FRMD3: variants seen among roughly 807,000 people sequenced by gnomAD.
FRMD3 encodes the protein FERM domain-containing protein 3.
In FRMD3, 33 loss-of-function variants were observed where a neutral mutation model predicts 70.2. That is an observed-to-expected ratio of 0.47 (90% CI 0.36 to 0.63). FRMD3 has a LOEUF of 0.63. FRMD3 is among the 20% of genes least tolerant of loss of function. The pLI is 0.00. For synonymous variants in FRMD3, 279 were observed against 255.9 expected, an observed-to-expected ratio of 1.09 and a Z score of -0.86; for missense variants, 632 against 711.4, an observed-to-expected ratio of 0.89 and a Z score of 1.27.
At chr9:83,479,525 G>A (rs982015418) in intron 1 of FRMD3, among the ~76,000 whole-genome samples, 9 of 147,654 alleles carry the variant, frequency 6.1e-5, no homozygotes, top group African/African-American at 2.0e-4. Flanking sequence ...TAACTTGGGA[G>A]GCTGAGGCAG....
chr9:83,422,228 A>G (rs1826668433), intron 1 of FRMD3, among the ~76,000 whole-genome samples: 1 of 152,138 alleles, frequency 6.6e-6, no homozygotes, highest in African/African-American at 2.4e-5. Context: ...GTCTCAAAAA[A>G]ACAAAACAAA....
At chr9:83,541,353 GACTA>G (rs1489683685), upstream of FRMD3, among the ~76,000 whole-genome samples, 4 of 152,176 alleles carry the variant, frequency 2.6e-5, no homozygotes, top group African/African-American at 9.7e-5. Context: ...TATCTAAATT[GACTA>G]ACTGACTTCT....
chr9:83,437,386 A>AT (rs1339804185), intron 1 of FRMD3, among the ~76,000 whole-genome samples: 3 of 152,182 alleles, frequency 2.0e-5, no homozygotes, highest in Non-Finnish European at 1.5e-5. Context: ...CAGCTTTGCC[A>AT]TCCTGCTAGT....
At chr9:83,280,721 A>T (rs1030045421) in intron 13 of FRMD3, among the ~76,000 whole-genome samples, 1 of 152,246 alleles carries the variant, frequency 6.6e-6, no homozygotes, top group African/African-American at 2.4e-5. Context: ...ATACATGTAT[A>T]TCTGTCATTG....
chr9:83,404,409 A>G (rs781256205), intron 1 of FRMD3, among the ~76,000 whole-genome samples: 2 of 152,154 alleles, frequency 1.3e-5, no homozygotes, highest in African/African-American at 4.8e-5. Context: ...CAGCTTCCTG[A>G]AGGAAGGAAA....
the FRMD3 span, among the ~76,000 whole-genome samples, chr9:83,572,180 C>CAT: frequency 6.6e-6 from 1 of 150,996 alleles, no homozygotes; most frequent in Non-Finnish European, 1.5e-5. Context: ...TGTGCATGCG[C>CAT]ATGTGTGTGT....
At chr9:83,577,733 T>A in the FRMD3 span, among the ~76,000 whole-genome samples, 1 of 151,828 alleles carries the variant, frequency 6.6e-6, no homozygotes, top group Non-Finnish European at 1.5e-5. Flanking sequence ...CAAACGCCTA[T>A]ACCAAACAAG....
chr9:83,322,446 A>T (rs2131093050), intron 6 of FRMD3, among the ~76,000 whole-genome samples: 1 of 152,292 alleles, frequency 6.6e-6, no homozygotes, highest in African/African-American at 2.4e-5. Context: ...ACAAGGCAGT[A>T]GGGATCCTCC....
chr9:83,582,837 T>C, the FRMD3 span, among the ~76,000 whole-genome samples: 1 of 152,162 alleles, frequency 6.6e-6, no homozygotes, highest in Non-Finnish European at 1.5e-5. Context: ...TGGCCTAGAT[T>C]TGAGATCAGG....
At chr9:83,497,433 G>A (rs1828966898) in intron 1 of FRMD3, among the ~76,000 whole-genome samples, 1 of 152,144 alleles carries the variant, frequency 6.6e-6, no homozygotes, top group Non-Finnish European at 1.5e-5. Flanking sequence ...ATTTTGCAAA[G>A]CCTCCCAAAT....
At chr9:83,479,706 A>AAGAAAG (rs1554710649) in intron 1 of FRMD3, among the ~76,000 whole-genome samples, 1,562 of 80,594 alleles carry the variant, frequency 0.019, 22 homozygotes, top group South Asian at 0.038. Flanking sequence ...GAAAGAAAGA[A>AAGAAAG]AGAAAGAAAG....
At chr9:83,349,136 G>A (rs757272884) in intron 4 of FRMD3, among the ~76,000 whole-genome samples, 2 of 152,148 alleles carry the variant, frequency 1.3e-5, no homozygotes, top group African/African-American at 2.4e-5. Flanking sequence ...CAGAAGGTAC[G>A]CTGAAGCTGT....
chr9:83,334,287 T>C (rs1226498794), intron 6 of FRMD3, among the ~76,000 whole-genome samples: 1 of 152,220 alleles, frequency 6.6e-6, no homozygotes, highest in African/African-American at 2.4e-5. Flanking sequence ...CCCACATAGA[T>C]GGCCTGTTGC....
In FRMD3 at chr9:83,502,859, G is replaced by A. The variant is rs147053504; in HGVS notation, c.147+35226C>T. Among the ~76,000 whole-genome samples the A allele has an allele frequency of 2.0e-5, 3 of 152,282 alleles. No individual in the cohort carries two copies. The East Asian group carries it at 5.8e-4, about 29-fold the overall frequency. ...GAAACACTAAACACTGATTTCTGAT[G>A]GTTATGCTGGGTTCCAGTGCACCAT... On this transcript the variant is annotated intron_variant, in intron 1 of 13. Coordinates refer to ENST00000304195, the MANE Select transcript of FRMD3 (RefSeq NM_174938.6).
chr9:83,468,296 TTA>T (rs1264859138), intron 1 of FRMD3, among the ~76,000 whole-genome samples: 2 of 152,220 alleles, frequency 1.3e-5, no homozygotes, highest in Non-Finnish European at 2.9e-5. Flanking sequence ...GTCATTCTAT[TTA>T]TATGTCTTTT....
At chr9:83,430,254 A>C (rs1010504343) in intron 1 of FRMD3, among the ~76,000 whole-genome samples, 12 of 152,002 alleles carry the variant, frequency 7.9e-5, no homozygotes, top group African/African-American at 2.7e-4. Context: ...CCTAAAACAC[A>C]ACCCTTGTCC....
Position 83,246,883 on chromosome 9 carries a change from A to G in FRMD3, c.*1035T>C. 2.0e-6 allele frequency: 2 copies of G among 985,322 alleles called. No individual in the cohort carries two copies. The highest frequency in any genetic ancestry group is 9.4e-5 in the South Asian group (2 of 21,286). The allele number at this position is 985,322 out of a possible 1,614,324, so 61.0% of individuals were successfully genotyped here. ...CATCACCATCACTTTCATAAAATAG[A>G]CCATTCGCCTGTCACCATTTGCCTG... On this transcript the variant is annotated 3_prime_UTR_variant, in exon 14 of 14. Transcript: ENST00000304195.
chr9:83,439,424 G>C (rs1277731659), intron 1 of FRMD3, among the ~76,000 whole-genome samples: 1 of 152,202 alleles, frequency 6.6e-6, no homozygotes, highest in Admixed American at 6.5e-5. Context: ...CCTACTGATG[G>C]CTTGCAATGG....
intron 1 of FRMD3, among the ~76,000 whole-genome samples, chr9:83,465,049 GC>G (rs373088696): frequency 0.39 from 56,996 of 147,616 alleles, 11,343 homozygotes; most frequent in Middle Eastern, 0.51. Context: ...AGAAGAAGAA[GC>G]AGCAGCTTAA....
Sources: gnomAD v4.1 joint callset for allele counts (sites outside exome capture counted in the v4.1 genomes callset) on GRCh38, gnomAD v4.1.1 for gene constraint, MANE v1.5 for transcripts, NCBI Gene and HGNC (gene_info 2026-07-23, HGNC 2026-07-21) for gene names.